The following CD9 variants were observed in gnomAD, a reference collection of about 807,000 sequenced individuals.
The protein encoded by CD9 is CD9 molecule, also known as CD9 antigen.
Under a neutral mutation model 31.4 loss-of-function variants are expected in CD9, and 10 were observed. The observed-to-expected ratio is 0.32, with a 90% CI of 0.20 to 0.54. The LOEUF is 0.54. CD9 is among the 20% of genes least tolerant of loss of function. The pLI is 0.94. For missense variants in CD9, 259 were observed against 300.1 expected (o/e 0.86, Z 1.01); for synonymous variants, 113 against 114.1 (o/e 0.99, Z 0.06).
At chr12:6,200,754 C>T in intron 1 of CD9, 189 bp downstream of exon 1, 1 of 472,776 alleles carries the variant, frequency 2.1e-6, no homozygotes, top group Non-Finnish European at 3.7e-6. Context: ...GGGACGGCCG[C>T]GACGGGCGCA....
At chr12:6,229,758 A>C (rs1005180450) in intron 2 of CD9, among the ~76,000 whole-genome samples, 10 of 151,056 alleles carry the variant, frequency 6.6e-5, no homozygotes, top group Admixed American at 3.3e-4. Context: ...AGTGAAAAAC[A>C]CTGTTCCATT....
At chr12:6,237,711 C>A in intron 7 of CD9, 52 bp from the exon 8 acceptor site, 1 of 1,381,252 alleles carries the variant, frequency 7.2e-7, no homozygotes, top group Non-Finnish European at 1.0e-6. Flanking sequence ...TTTCCCTCAG[C>A]CTTCCTTCAG....
At chr12:6,209,249 C>T (rs529331909) in intron 1 of CD9, among the ~76,000 whole-genome samples, 5 of 152,196 alleles carry the variant, frequency 3.3e-5, no homozygotes, top group African/African-American at 4.8e-5. Context: ...CGTGAGCCAC[C>T]GCACCGGGCT....
At chr12:6,224,724 C>T (rs534205467) in intron 1 of CD9, among the ~76,000 whole-genome samples, 31 of 152,286 alleles carry the variant, frequency 2.0e-4, no homozygotes, top group Admixed American at 1.3e-3. Context: ...TCAGCTGGCA[C>T]TGGGGGGACT....
intron 1 of CD9, among the ~76,000 whole-genome samples, chr12:6,223,932 C>G (rs1946327878): frequency 6.6e-6 from 1 of 152,220 alleles, no homozygotes; most frequent in African/African-American, 2.4e-5. Context: ...TCAGAACTCT[C>G]AAGTTCATTT....
intron 1 of CD9, among the ~76,000 whole-genome samples, chr12:6,211,735 T>A (rs1368625171): frequency 6.6e-6 from 1 of 152,218 alleles, no homozygotes; most frequent in Non-Finnish European, 1.5e-5. Flanking sequence ...CAGATGATTT[T>A]GGTTAAGATC....
chr12:6,231,968 A>G (rs936401225), intron 2 of CD9, among the ~76,000 whole-genome samples: 7 of 152,058 alleles, frequency 4.6e-5, no homozygotes, highest in African/African-American at 1.7e-4. Context: ...GTTAGGGCCA[A>G]AAGAAGGGTC....
At chr12:6,225,596 T>C (rs1946354852) in intron 2 of CD9, 62 bp downstream of exon 2, 4 of 1,077,740 alleles carry the variant, frequency 3.7e-6, no homozygotes, top group Non-Finnish European at 5.7e-6. Flanking sequence ...CCTGCAACTT[T>C]GGAGGCCCCA....
At chr12:6,235,627 A>G (rs1303888265) in intron 6 of CD9, 62 bp downstream of exon 6, 4 of 1,528,392 alleles carry the variant, frequency 2.6e-6, no homozygotes, top group Non-Finnish European at 3.5e-6. Flanking sequence ...CCCTGCAAGC[A>G]TGAAAGTGAC....
intron 1 of CD9, among the ~76,000 whole-genome samples, chr12:6,214,962 A>C (rs2136611777): frequency 6.6e-6 from 1 of 152,244 alleles, no homozygotes; most frequent in South Asian, 2.1e-4. Context: ...TTCAGCACAG[A>C]GTTGTCCAGC....
chr12:6,200,277 T>TGGGGCGGGAGGCGTGGCCGGC, upstream of CD9: 1 of 110,978 alleles, frequency 9.0e-6, no homozygotes. Context: ...GCGGGGCCGG[T>TGGGGCGGGAGGCGTGGCCGGC]GGGGCGGGAG....
At position 6,235,346 on chromosome 12, in the gene CD9, G is replaced by A; in HGVS notation, c.447+19G>A. On this transcript the variant is annotated intron_variant, in intron 5 of 7. Coordinates refer to ENST00000009180, the MANE Select transcript of CD9 (RefSeq NM_001769.4). ...CTATGCGGTATGTCGCCTTGGCAAA[G>A]ACACCCTCCTGCGCTTTCTCCGGAT... is the stretch of plus-strand genomic sequence containing the variant. 2 of 1,614,228 alleles carry A rather than the reference G, an allele frequency of 1.2e-6. No homozygotes were observed. The highest frequency in any genetic ancestry group is 1.7e-6 in the Non-Finnish European group (2 of 1,180,040).
At chr12:6,228,017 G>A (rs559608776) in intron 2 of CD9, among the ~76,000 whole-genome samples, 7 of 152,174 alleles carry the variant, frequency 4.6e-5, no homozygotes, top group Non-Finnish European at 8.8e-5. Context: ...GTGGCCGGTG[G>A]TCCTACCTGA....
rs532249596 is a variant in CD9, at chr12:6,214,159, A to G, written c.67-11267A>G. 2.6e-5 allele frequency among the ~76,000 whole-genome samples: 4 copies of G among 151,950 alleles called. No individual in the cohort carries two copies. In the South Asian group the frequency reaches 8.3e-4, roughly 32 times the overall value. ...TGTCTTTTTGAGTCAGTTGCTTAAA[A>G]TCTCTGAGCCTGATTCATCCATAAA... On this transcript the variant is annotated intron_variant, in intron 1 of 7. Transcript: ENST00000009180.
At chr12:6,206,346 CTGAG>C in intron 1 of CD9, among the ~76,000 whole-genome samples, 1 of 152,142 alleles carries the variant, frequency 6.6e-6, no homozygotes, top group East Asian at 1.9e-4. Context: ...CCTCAGCCTC[CTGAG>C]TAACTGGGAC....
intron 1 of CD9, among the ~76,000 whole-genome samples, chr12:6,221,088 G>T (rs1181800828): frequency 1.3e-5 from 2 of 152,214 alleles, no homozygotes; most frequent in Admixed American, 6.5e-5. Flanking sequence ...GTGCTCAGTT[G>T]AGGTTTGGCT....
chr12:6,200,717 G>C, intron 1 of CD9, 152 bp downstream of exon 1: 1 of 536,638 alleles, frequency 1.9e-6, no homozygotes, highest in Non-Finnish European at 3.3e-6. Context: ...CTGCCAGCTG[G>C]CTCCAAGGCC....
At chr12:6,218,271 A>G (rs11568283) in intron 1 of CD9, among the ~76,000 whole-genome samples, 1,977 of 151,902 alleles carry the variant, frequency 0.013, 28 homozygotes, top group South Asian at 0.022. Context: ...ATTACAGAAG[A>G]TGGGACCTGG....
At position 6,202,464 on chromosome 12, in the gene CD9, G is replaced by A. The variant is rs149890878; in HGVS notation, c.66+1899G>A. On this transcript the variant is annotated intron_variant, in intron 1 of 7. Transcript: ENST00000009180. ...TCCCCTCCCAGGTACAGTCTCTCCC[G>A]GCTGGTGTGTTGGTTAGTCCTCAGC... Among the ~76,000 whole-genome samples, 17 of 152,312 alleles carry A rather than the reference G, an allele frequency of 1.1e-4. No individual in the cohort carries two copies. In the East Asian group the frequency reaches 2.7e-3, roughly 24 times the overall value.
Sources: gnomAD v4.1 joint callset for allele counts (sites outside exome capture counted in the v4.1 genomes callset) on GRCh38, gnomAD v4.1.1 for gene constraint, MANE v1.5 for transcripts, NCBI Gene and HGNC (gene_info 2026-07-23, HGNC 2026-07-21) for gene names.